Variants in ADAMTS13 observed in about 807,000 individuals in gnomAD.
The protein encoded by ADAMTS13 is ADAM metallopeptidase with thrombospondin type 1 motif 13.
ADAMTS13 carries 110 observed loss-of-function variants against 155.1 expected under a neutral mutation model. The observed-to-expected ratio is 0.71, with a 90% CI of 0.61 to 0.83. The LOEUF (loss-of-function observed/expected upper bound fraction) is 0.83, where lower values mean the gene tolerates loss of function less well. Among genes scored for constraint, ADAMTS13 ranks in the 40% least tolerant of loss-of-function variants. The pLI is 0.00. For missense variants in ADAMTS13, 1,707 were observed against 1,891.7 expected, an observed-to-expected ratio of 0.90 and a Z score of 1.81; for synonymous variants, 758 against 756.4, an observed-to-expected ratio of 1.00 and a Z score of -0.03.
chr9:133,438,118 G>T (rs1458230252), intron 13 of ADAMTS13, 128 bp from the exon 14 acceptor site: 3 of 1,540,832 alleles, frequency 1.9e-6, no homozygotes, highest in Non-Finnish European at 2.7e-6. Flanking sequence ...TTCCTGTGTA[G>T]ATGGTGGGGT....
chr9:133,416,864 G>A (rs587708100), intron 1 of ADAMTS13, among the ~76,000 whole-genome samples: 4 of 152,346 alleles, frequency 2.6e-5, no homozygotes, highest in South Asian at 4.1e-4. Flanking sequence ...TAGAGCACAT[G>A]GCAGAGTGCA....
At chr9:133,418,036 C>T, upstream of ADAMTS13, 1 of 590,860 alleles carries the variant, frequency 1.7e-6, no homozygotes, top group South Asian at 2.1e-5. Context: ...CTCCAGTCCC[C>T]GGAAGCGCTC....
rs1841279422 is a variant in ADAMTS13 at position 133,436,916 on chromosome 9, T to G, written c.1396T>G (p.Ser466Ala). Residue 466 changes from serine (S) to alanine (A), a missense_variant, in exon 12 of 29, where the codon TCC becomes GCC. Physicochemically the swap from Ser to Ala is moderately conservative, Grantham distance 99. This residue lies in a region of ADAMTS13 where 733 missense variants were observed against 749.6 expected (regional missense o/e 0.98). Transcript: ENST00000355699. ...GCTGCGCTCCTCCCCTGGCGGCGCC[T>G]CCTTCTACCACTGGGGTGCTGCTGT... Reference protein sequence around the residue: ...QPLRSSPGGASFYHWGAAVPH... With the variant: ...QPLRSSPGGAAFYHWGAAVPH... The G allele has an allele frequency of 6.3e-7, 1 of 1,591,078 alleles. No homozygotes were observed. Among genetic ancestry groups the G allele is most frequent in the South Asian group, 1.1e-5 (1 of 87,404 alleles).
intron 14 of ADAMTS13, 101 bp downstream of exon 14, chr9:133,438,467 G>A: frequency 6.5e-7 from 1 of 1,535,412 alleles, no homozygotes. Context: ...CACAGGGCCT[G>A]CACACTCACT....
In ADAMTS13 at chr9:133,430,087, G is replaced by C; in HGVS notation, c.973G>C (p.Ala325Pro). The C allele has an allele frequency of 1.3e-6, 2 of 1,589,908 alleles. No individual in the cohort carries two copies. The highest frequency in any genetic ancestry group is 1.7e-6 in the Non-Finnish European group (2 of 1,173,844). ...FGPKAVACTF[A>P]REHLDMCQAL... ...CCCCAAGGCTGTCGCCTGCACCTTC[G>C]CCAGGGAGCACCTGGTGAGTCTGCC... The change falls in exon 8 of 29, where the codon GCC (alanine) becomes CCC (proline). Residue 325 changes from alanine (A) to proline (P), a missense_variant. Physicochemically the swap from Ala to Pro is conservative, Grantham distance 27 (BLOSUM62 -1). Transcript: ENST00000355699.
At chr9:133,446,041 C>A (rs999841448) in intron 21 of ADAMTS13, among the ~76,000 whole-genome samples, 2 of 152,212 alleles carry the variant, frequency 1.3e-5, no homozygotes. Context: ...TAACGCCCGG[C>A]AGTGTGGCAC....
At chr9:133,418,058 A>C, upstream of ADAMTS13, 6 of 554,494 alleles carry the variant, frequency 1.1e-5, no homozygotes, top group Admixed American at 3.4e-5. Context: ...TCTCTCCACA[A>C]CCGGCTGGAA....
At chr9:133,415,127 A>G in intron 1 of ADAMTS13, 1 of 770,994 alleles carries the variant, frequency 1.3e-6, no homozygotes, top group South Asian at 2.0e-5. Context: ...CATCTATACA[A>G]TTCCCATCCG....
chr9:133,428,832 G>A (rs1265888824), intron 7 of ADAMTS13, 61 bp downstream of exon 7: 7 of 1,223,938 alleles, frequency 5.7e-6, no homozygotes, highest in African/African-American at 3.2e-5. Flanking sequence ...GGCCGCCAGC[G>A]CCACCTCTCT....
At chr9:133,422,578 C>T (rs371235247) in intron 1 of ADAMTS13, 30 bp downstream of exon 1, 9 of 1,608,606 alleles carry the variant, frequency 5.6e-6, no homozygotes, top group African/African-American at 5.3e-5. Flanking sequence ...CGGGGGTATT[C>T]TGGGAGCCTC....
chr9:133,415,496 GCTT>G (rs1329143369), intron 1 of ADAMTS13, among the ~76,000 whole-genome samples: 3 of 151,616 alleles, frequency 2.0e-5, no homozygotes, highest in Non-Finnish European at 4.4e-5. Flanking sequence ...GAAAAGAAAA[GCTT>G]CTGTCAAACT....
At position 133,445,136 on chromosome 9, in the gene ADAMTS13, C is replaced by G. The variant is rs587684018; in HGVS notation, c.2610+84C>G. On this transcript the variant is annotated intron_variant, in intron 20 of 28. Transcript: ENST00000355699. The surrounding 1 kb of genome is among the most constrained non-coding windows in gnomAD (Gnocchi z 5.0). ...AACGAGGAGCACCCATTGCCACCGT[C>G]CTCCAGGCCAGAGCAAGAACACCAT... The G allele has an allele frequency of 1.9e-4, 279 of 1,450,438 alleles. 3 individuals carry two copies. The South Asian group carries it at 3.1e-3, about 16-fold the overall frequency. 89.8% of individuals were successfully genotyped at this position (1,450,438 alleles called of 1,614,324 possible).
upstream of ADAMTS13, among the ~76,000 whole-genome samples, chr9:133,421,252 C>T (rs1839942388): frequency 6.6e-6 from 1 of 152,146 alleles, no homozygotes; most frequent in Admixed American, 6.5e-5. Flanking sequence ...GGTGACACAG[C>T]AAGACTCTGT....
intron 11 of ADAMTS13, 65 bp downstream of exon 11, chr9:133,433,769 G>A (rs1840970196): frequency 1.3e-6 from 2 of 1,576,986 alleles, no homozygotes; most frequent in African/African-American, 2.7e-5. Flanking sequence ...GAGCCAAAGT[G>A]ACCATCTGTG....
At chr9:133,439,770 T>C (rs41296094) in intron 15 of ADAMTS13, among the ~76,000 whole-genome samples, 2,811 of 152,344 alleles carry the variant, frequency 0.018, 45 homozygotes, top group Non-Finnish European at 0.031. Flanking sequence ...GCATGGAGTA[T>C]TGCCCACACA....
In ADAMTS13 at chr9:133,426,299, A is replaced by G. The variant is rs1184758928; in HGVS notation, c.640A>G (p.Thr214Ala). ...CTGGAGCTGCCTCATTACCGAGGAC[A>G]CTGGCTTCGACCTGGGAGTCACCAT... ...PTWSCLITED[T>A]GFDLGVTIAH... Residue 214 changes from threonine to alanine, a missense_variant, in exon 6 of 29, where the codon ACT (threonine) becomes GCT (alanine). Physicochemically the swap from Thr to Ala is moderately conservative, Grantham distance 58 (BLOSUM62 0). Transcript: ENST00000355699. 5 of 1,606,794 alleles carry G rather than the reference A, an allele frequency of 3.1e-6. No individual in the cohort carries two copies. Among genetic ancestry groups the G allele is most frequent in the Non-Finnish European group, 4.2e-6 (5 of 1,180,002 alleles).
At chr9:133,432,760 C>T (rs781966031) in intron 9 of ADAMTS13, 68 bp downstream of exon 9, 166 of 1,456,196 alleles carry the variant, frequency 1.1e-4, no homozygotes, top group Non-Finnish European at 1.5e-4. Context: ...AGCCAGGCCG[C>T]CCTATTCCTA....
In ADAMTS13 at chr9:133,440,334, TC is replaced by T; in HGVS notation, c.1787-6del. The T allele has an allele frequency of 6.2e-7, 1 of 1,613,912 alleles. No individual in the cohort carries two copies. The highest frequency in any genetic ancestry group is 1.7e-4 in the Middle Eastern group (1 of 6,058). On this transcript the variant is annotated splice_polypyrimidine_tract_variant and intron_variant, in intron 15 of 28. Transcript: ENST00000355699. This position sits in a 1 kb window ranked among gnomAD's most constrained non-coding sequence, Gnocchi z 4.3. The stretch of plus-strand genomic sequence containing the variant: ...GCTCCACACAGCTAACAGGGCTGGT[TC>T]CCCGACAGCGGTGAGGATCGGAGGG...
chr9:133,417,687 G>T, upstream of ADAMTS13: 1 of 1,614,112 alleles, frequency 6.2e-7, no homozygotes, highest in South Asian at 1.1e-5. Flanking sequence ...CACAGCACCG[G>T]GGCCGCTTGC....
Sources: gnomAD v4.1 joint callset for allele counts (sites outside exome capture counted in the v4.1 genomes callset) on GRCh38, gnomAD v4.1.1 for gene constraint, gnomAD v4.1.1 regional missense constraint, Gnocchi (gnomAD v3.1) non-coding constraint, MANE v1.5 for transcripts, NCBI Gene and HGNC (gene_info 2026-07-23, HGNC 2026-07-21) for gene names.